ZAR1: variants seen among roughly 807,000 people sequenced by gnomAD.
ZAR1 encodes zygote arrest 1, also known as zygote arrest protein 1.
In ZAR1, 37 loss-of-function variants were observed where a neutral mutation model predicts 38.3. That is an observed-to-expected ratio of 0.97 (90% CI 0.74 to 1.27). The LOEUF (loss-of-function observed/expected upper bound fraction) is 1.27, where lower values mean the gene tolerates loss of function less well. Ranked by LOEUF, ZAR1 falls within the 50% of genes most tolerant of loss-of-function variation. The pLI is 0.00. For missense variants in ZAR1, 651 were observed against 632.4 expected, an observed-to-expected ratio of 1.03 and a Z score of -0.32; for synonymous variants, 336 against 292.0, an observed-to-expected ratio of 1.15 and a Z score of -1.53.
downstream of ZAR1, chr4:48,497,404 TACA>T (rs1718685500): frequency 6.6e-6 from 1 of 152,542 alleles, no homozygotes; most frequent in African/African-American, 2.4e-5. Flanking sequence ...TAGACTTAGT[TACA>T]TATAAATAAA....
rs1462426889 is a variant in ZAR1, at chr4:48,490,439, G to A, written c.148G>A (p.Ala50Thr). Reference protein sequence around the residue: ...WQQRGRGCLPASSPCSAGAAS... With the variant: ...WQQRGRGCLPTSSPCSAGAAS... ...GCAGCGCGGCAGGGGCTGCCTTCCC[G>A]CCTCCTCCCCCTGCTCGGCGGGCGC... Residue 50 changes from alanine (A) to threonine (T), a missense_variant, in exon 1 of 4, where the codon GCC (alanine) becomes ACC (threonine). By Grantham distance (58) the Ala-to-Thr change is moderately conservative. Coordinates refer to ENST00000327939, the MANE Select transcript of ZAR1 (RefSeq NM_175619.3). The A allele has an allele frequency of 6.1e-6, 9 of 1,472,534 alleles. No individual in the cohort carries two copies. The South Asian group carries it at 1.0e-4, about 17-fold the overall frequency. 91.2% of individuals were successfully genotyped at this position (1,472,534 alleles called of 1,614,324 possible).
intron 1 of ZAR1, among the ~76,000 whole-genome samples, chr4:48,491,661 C>T (rs1314152764): frequency 6.6e-6 from 1 of 152,242 alleles, no homozygotes; most frequent in Non-Finnish European, 1.5e-5. Context: ...CTCCCATTTC[C>T]GCACTGGATG....
chr4:48,492,140 T>TCTG (rs560647306), intron 1 of ZAR1, among the ~76,000 whole-genome samples: 168 of 152,294 alleles, frequency 1.1e-3, no homozygotes, highest in Non-Finnish European at 1.9e-3. Flanking sequence ...CTTAGCGCAG[T>TCTG]CTCACAGGTG....
chr4:48,490,852 G>A lies in ZAR1; in HGVS notation c.561G>A (p.Leu187=), dbSNP rs1318465014. ...TCGCCGTGTACTCGCCCCTGGCCTT[G>A]CGCCGTCTCACCGCCTTCCTGGAGG... The part of the protein sequence containing the change: ...RTVAVYSPLA[L]RRLTAFLEGP... Residue 187 remains leucine, a synonymous_variant, in exon 1 of 4, where the codon TTG becomes TTA. Transcript: ENST00000327939. 6 of 1,478,688 alleles carry A rather than the reference G, an allele frequency of 4.1e-6. No individual in the cohort carries two copies. The highest frequency in any genetic ancestry group is 5.4e-6 in the Non-Finnish European group (6 of 1,120,854). The allele number at this position is 1,478,688 out of a possible 1,614,324, so 91.6% of individuals were successfully genotyped here.
At chr4:48,493,853 A>G (rs990284064) in intron 3 of ZAR1, among the ~76,000 whole-genome samples, 1 of 152,254 alleles carries the variant, frequency 6.6e-6, no homozygotes, top group African/African-American at 2.4e-5. Context: ...CAGTTGTTGT[A>G]AAAGAAATTT....
intron 1 of ZAR1, 143 bp downstream of exon 1, chr4:48,491,397 T>A: frequency 3.6e-6 from 2 of 559,330 alleles, no homozygotes; most frequent in Non-Finnish European, 5.3e-6. Flanking sequence ...AGACAGCCAA[T>A]GACCGCGATA....
chr4:48,495,521 C>T (rs539630910), downstream of ZAR1, among the ~76,000 whole-genome samples: 5 of 152,366 alleles, frequency 3.3e-5, no homozygotes, highest in African/African-American at 1.2e-4. Flanking sequence ...GTCCTACCTA[C>T]ATTTAATAGG....
In ZAR1 at chr4:48,490,445, T is replaced by C; in HGVS notation, c.154T>C (p.Ser52Pro). 6.8e-7 allele frequency: 1 copy of C among 1,464,730 alleles called. No homozygotes were observed. Among genetic ancestry groups the C allele is most frequent in the Non-Finnish European group, 9.0e-7 (1 of 1,114,940 alleles). The allele number at this position is 1,464,730 out of a possible 1,614,324, so 90.7% of individuals were successfully genotyped here. A position where few individuals can be genotyped will look rare whatever the true frequency, so the allele number is the denominator to read the frequency against. Reference protein sequence around the residue: ...QRGRGCLPASSPCSAGAASLS... With the variant: ...QRGRGCLPASPPCSAGAASLS... ...CGGCAGGGGCTGCCTTCCCGCCTCC[T>C]CCCCCTGCTCGGCGGGCGCGGCCTC... Residue 52 changes from serine to proline, a missense_variant, in exon 1 of 4, where the codon TCC (serine) becomes CCC (proline). By Grantham distance (74) the Ser-to-Pro change is moderately conservative (BLOSUM62 -1). Around this residue, in one of 2 missense-constraint regions of ZAR1, gnomAD observed 522 missense variants for 459.9 expected, o/e 1.14. Coordinates refer to ENST00000327939, the MANE Select transcript of ZAR1 (RefSeq NM_175619.3).
At chr4:48,491,327 C>T (rs1718436481) in intron 1 of ZAR1, 73 bp downstream of exon 1, 2 of 1,130,642 alleles carry the variant, frequency 1.8e-6, no homozygotes, top group Non-Finnish European at 2.2e-6. Flanking sequence ...GGCCCTGTGA[C>T]TGCTTCGGGC....
intron 1 of ZAR1, among the ~76,000 whole-genome samples, chr4:48,491,745 G>A (rs1361418024): frequency 6.6e-6 from 1 of 152,196 alleles, no homozygotes; most frequent in Non-Finnish European, 1.5e-5. Context: ...CCAGGCTATT[G>A]GAAAGCTGGA....
At chr4:48,493,231 C>T (rs1489359884) in intron 3 of ZAR1, among the ~76,000 whole-genome samples, 1 of 152,192 alleles carries the variant, frequency 6.6e-6, no homozygotes, top group Non-Finnish European at 1.5e-5. Flanking sequence ...TCTTCTAAAA[C>T]TGTTAACCTC....
chr4:48,494,220 T>A lies in ZAR1; in HGVS notation c.1251T>A (p.Thr417=), dbSNP rs1718522865. Residue 417 remains threonine, a synonymous_variant, in exon 4 of 4, where the codon ACT becomes ACA. Transcript: ENST00000327939. ...CKGKRLSCDS[T]FSFKYII ...GCAAACGCCTGTCCTGTGACAGCAC[T>A]TTCAGCTTCAAATACATCATTTAGG... 6.2e-7 allele frequency: 1 copy of A among 1,614,210 alleles called. No individual in the cohort carries two copies. Among genetic ancestry groups the A allele is most frequent in the Non-Finnish European group, 8.5e-7 (1 of 1,180,040 alleles).
Position 48,490,757 on chromosome 4 carries a change from TC to T in ZAR1, c.469del (p.Arg157ValfsTer122). On this transcript the variant is annotated frameshift_variant, in exon 1 of 4. Transcript: ENST00000327939. LOFTEE classifies it high-confidence loss of function. ...TGGGSFSQQP[S>X]RRGLEQGSPQ... The stretch of plus-strand genomic sequence containing the variant: ...TGGCGGCTCTTTCTCCCAGCAGCCA[TC>T]CCGTCGAGGCCTGGAGCAGGGCAGC... The T allele has an allele frequency of 7.0e-7, 1 of 1,435,030 alleles. No homozygotes were observed. Among genetic ancestry groups the T allele is most frequent in the Non-Finnish European group, 9.1e-7 (1 of 1,098,556 alleles). 88.9% of individuals were successfully genotyped at this position (1,435,030 alleles called of 1,614,324 possible). A position where few individuals can be genotyped will look rare whatever the true frequency, so the allele number is the denominator to read the frequency against.
chr4:48,490,342 C>T lies in ZAR1; in HGVS notation c.51C>T (p.Cys17=), dbSNP rs1359914261. 5 of 1,512,100 alleles carry T rather than the reference C, an allele frequency of 3.3e-6. No homozygotes were observed. The highest frequency in any genetic ancestry group is 5.5e-5 in the East Asian group (2 of 36,480). The allele number at this position is 1,512,100 out of a possible 1,614,324, so 93.7% of individuals were successfully genotyped here. The part of the protein sequence containing the change: ...EVLDGYVFPA[C]PPCSYRYPYP... ...TGGACGGTTACGTGTTCCCGGCGTG[C>T]CCCCCCTGCTCGTACCGGTACCCAT... The change falls in exon 1 of 4, where the codon TGC becomes TGT. Residue 17 remains cysteine, a synonymous_variant. Transcript: ENST00000327939.
At chr4:48,494,478 T>C (rs1421812702), downstream of ZAR1, 1 of 502,208 alleles carries the variant, frequency 2.0e-6, no homozygotes, top group Non-Finnish European at 3.5e-6. Flanking sequence ...ACTTCACCTT[T>C]ATGAATGCTT....
At position 48,491,112 on chromosome 4, in the gene ZAR1, C is replaced by T. The variant is rs1577772182; in HGVS notation, c.821C>T (p.Pro274Leu). The change falls in exon 1 of 4, where the codon CCG becomes CTG. Residue 274 changes from proline to leucine, a missense_variant. By Grantham distance (98) the Pro-to-Leu change is moderately conservative. Coordinates refer to ENST00000327939, the MANE Select transcript of ZAR1 (RefSeq NM_175619.3). ...GAGGCCCAGGAGGGCGAGGCGGCTC[C>T]GCGGTCGGCGCTAAGGAGCCCGGGG... The part of the protein sequence containing the change: ...PREAQEGEAA[P>L]RSALRSPGQP... The T allele has an allele frequency of 1.6e-6, 2 of 1,268,332 alleles. No homozygotes were observed. Among genetic ancestry groups the T allele is most frequent in the South Asian group, 2.8e-5 (1 of 35,248 alleles). 78.6% of individuals were successfully genotyped at this position (1,268,332 alleles called of 1,614,324 possible). A position where few individuals can be genotyped will look rare whatever the true frequency, so the allele number is the denominator to read the frequency against.
downstream of ZAR1, among the ~76,000 whole-genome samples, chr4:48,494,810 C>T (rs547324452): frequency 2.6e-5 from 4 of 152,052 alleles, no homozygotes; most frequent in South Asian, 6.2e-4. Context: ...TGCTGAGTGG[C>T]GGTGATGGGG....
rs778371879 is a variant in ZAR1 at position 48,490,890 on chromosome 4, C to T, written c.599C>T (p.Ala200Val). 30 of 1,400,110 alleles carry T rather than the reference C, an allele frequency of 2.1e-5. No individual in the cohort carries two copies. The highest frequency in any genetic ancestry group is 9.4e-5 in the Admixed American group (3 of 31,998). The allele number at this position is 1,400,110 out of a possible 1,614,324, so 86.7% of individuals were successfully genotyped here. A position where few individuals can be genotyped will look rare whatever the true frequency, so the allele number is the denominator to read the frequency against. The change falls in exon 1 of 4, where the codon GCG becomes GTG. Residue 200 changes from alanine (A) to valine (V), a missense_variant. Ala to Val is a moderately conservative substitution (Grantham distance 64, BLOSUM62 0). Around this residue, in one of 2 missense-constraint regions of ZAR1, gnomAD observed 522 missense variants for 459.9 expected, o/e 1.14. Coordinates refer to ENST00000327939, the MANE Select transcript of ZAR1 (RefSeq NM_175619.3). The part of the protein sequence containing the change: ...LTAFLEGPGP[A>V]AGEQRSGASD... ...GCCTTCCTGGAGGGGCCCGGGCCCG[C>T]GGCGGGCGAGCAGAGGTCCGGGGCG...
At chr4:48,494,041 G>A (rs1718516670) in intron 3 of ZAR1, 60 bp from the exon 4 acceptor site, 2 of 1,572,944 alleles carry the variant, frequency 1.3e-6, no homozygotes, top group Non-Finnish European at 8.6e-7. Flanking sequence ...AAATGTTGAA[G>A]TCCTAGGAAA....
Sources: allele counts gnomAD v4.1 joint callset (sites outside exome capture counted in the v4.1 genomes callset), GRCh38; gene constraint gnomAD v4.1.1; regional missense constraint gnomAD v4.1.1; transcripts MANE v1.5; gene names NCBI Gene and HGNC (gene_info 2026-07-23, HGNC 2026-07-21).